The following PCOLCE2 variants were observed in gnomAD, a reference collection of about 807,000 sequenced individuals.
PCOLCE2 encodes procollagen C-endopeptidase enhancer 2.
Under a neutral mutation model 47.0 loss-of-function variants are expected in PCOLCE2, and 42 were observed. The observed-to-expected ratio is 0.89, with a 90% CI of 0.70 to 1.16. PCOLCE2 has a LOEUF of 1.16. PCOLCE2 is among the 50% of genes most tolerant of loss of function. The pLI is 0.00. For missense variants in PCOLCE2, 500 were observed against 526.1 expected (o/e 0.95, Z 0.49); for synonymous variants, 169 against 191.7 (o/e 0.88, Z 0.98).
chr3:142,882,595 G>C (rs1434289835), intron 2 of PCOLCE2, among the ~76,000 whole-genome samples: 1 of 150,960 alleles, frequency 6.6e-6, no homozygotes, highest in African/African-American at 2.5e-5. Context: ...TTATACTTTA[G>C]AGAAGAGGTC....
At chr3:142,872,317 T>C (rs1185552232) in intron 2 of PCOLCE2, among the ~76,000 whole-genome samples, 1 of 152,152 alleles carries the variant, frequency 6.6e-6, no homozygotes, top group Non-Finnish European at 1.5e-5. Context: ...GTATTTTGAC[T>C]GCGCTATTTT....
intron 2 of PCOLCE2, among the ~76,000 whole-genome samples, chr3:142,871,066 C>T (rs1933378767): frequency 6.6e-6 from 1 of 152,238 alleles, no homozygotes; most frequent in African/African-American, 2.4e-5. Flanking sequence ...GCCGCTCCAC[C>T]TCTGTCTTCC....
chr3:142,827,063 G>T, intron 6 of PCOLCE2: 5 of 1,122,474 alleles, frequency 4.5e-6, no homozygotes, highest in Admixed American at 3.8e-5. Flanking sequence ...CTTTTTTTTG[G>T]CATAAAGACA....
intron 2 of PCOLCE2, among the ~76,000 whole-genome samples, chr3:142,857,970 C>G (rs1933099258): frequency 6.6e-6 from 1 of 152,168 alleles, no homozygotes; most frequent in Admixed American, 6.5e-5. Context: ...CTTTCCTTTC[C>G]CACCTCTGTG....
chr3:142,846,029 A>G (rs1937324949), intron 3 of PCOLCE2, among the ~76,000 whole-genome samples: 1 of 152,110 alleles, frequency 6.6e-6, no homozygotes, highest in African/African-American at 2.4e-5. Context: ...GAGGAAATGG[A>G]AGCCATCATT....
intron 8 of PCOLCE2, 75 bp from the exon 9 acceptor site, chr3:142,818,540 C>T: frequency 2.1e-5 from 23 of 1,071,220 alleles, no homozygotes; most frequent in South Asian, 7.6e-5. Flanking sequence ...TGTAAGTTAC[C>T]TCTAGATAAA....
At chr3:142,839,052 T>C in intron 4 of PCOLCE2, 146 bp from the exon 5 acceptor site, 1 of 576,092 alleles carries the variant, frequency 1.7e-6, no homozygotes, top group Middle Eastern at 4.5e-4. Flanking sequence ...TGTTGCATAT[T>C]TCTTATTTAG....
At position 142,887,779 on chromosome 3, in the gene PCOLCE2, TG is replaced by T; in HGVS notation, c.84-3del. Reference sequence around the variant, plus strand: ...ATGCCACCACATGTGAAAACAGGTCTGGGAACATAAAAGAAGAAAAGATAAT... The same window carrying T: ...ATGCCACCACATGTGAAAACAGGTCTGGAACATAAAAGAAGAAAAGATAAT... On this transcript the variant is annotated splice_region_variant and splice_polypyrimidine_tract_variant and intron_variant, in intron 1 of 8. Coordinates refer to ENST00000295992, the MANE Select transcript of PCOLCE2 (RefSeq NM_013363.4). The T allele has an allele frequency of 1.3e-6, 2 of 1,515,954 alleles. No homozygotes were observed. Among genetic ancestry groups the T allele is most frequent in the Non-Finnish European group, 1.8e-6 (2 of 1,092,106 alleles). The allele number at this position is 1,515,954 out of a possible 1,614,324, so 93.9% of individuals were successfully genotyped here. A position where few individuals can be genotyped will look rare whatever the true frequency, so the allele number is the denominator to read the frequency against.
At chr3:142,848,567 C>A in intron 2 of PCOLCE2, 95 bp from the exon 3 acceptor site, 1 of 1,095,786 alleles carries the variant, frequency 9.1e-7, no homozygotes, top group Non-Finnish European at 1.3e-6. Context: ...AGTATAATAT[C>A]CAAGATAATG....
At position 142,848,074 on chromosome 3, in the gene PCOLCE2, T is replaced by C. The variant is rs553774135; in HGVS notation, c.448+143A>G. The C allele has an allele frequency of 3.9e-4, 289 of 735,042 alleles. 1 individual carries two copies. The African/African-American group carries it at 4.6e-3, about 12-fold the overall frequency. The allele number at this position is 735,042 out of a possible 1,614,324, so 45.5% of individuals were successfully genotyped here. ...GGACTTAAATTAAAAGGCTGATTTT[T>C]TGTATTGGTCTCATCATGGTTTGAT... On this transcript the variant is annotated intron_variant, in intron 3 of 8. Transcript: ENST00000295992.
chr3:142,827,826 C>A (rs557548745), intron 6 of PCOLCE2: 2 of 566,252 alleles, frequency 3.5e-6, no homozygotes, highest in Non-Finnish European at 6.3e-6. Flanking sequence ...ACGGACACCT[C>A]AAACCCAACA....
At chr3:142,835,308 T>C (rs73232734) in intron 5 of PCOLCE2, among the ~76,000 whole-genome samples, 26,397 of 152,186 alleles carry the variant, frequency 0.17, 2,659 homozygotes, top group Non-Finnish European at 0.23. Flanking sequence ...ATCTGCCTGA[T>C]AAATTGCATC....
intron 5 of PCOLCE2, among the ~76,000 whole-genome samples, chr3:142,838,106 C>T (rs1937225090): frequency 6.6e-6 from 1 of 152,144 alleles, no homozygotes; most frequent in African/African-American, 2.4e-5. Context: ...TCTTACAGGG[C>T]AGTGATGTAT....
chr3:142,819,769 A>G (rs182338670), intron 8 of PCOLCE2, among the ~76,000 whole-genome samples: 1 of 152,134 alleles, frequency 6.6e-6, no homozygotes, highest in Admixed American at 6.6e-5. Flanking sequence ...CTTCAGCCTC[A>G]CGAGTAGCTG....
chr3:142,841,440 TAATTAAGTTG>T (rs1937263577), intron 4 of PCOLCE2, among the ~76,000 whole-genome samples: 2 of 152,196 alleles, frequency 1.3e-5, no homozygotes, highest in Non-Finnish European at 2.9e-5. Context: ...TCTGCAAGTA[TAATTAAGTTG>T]GAATTATTTG....
chr3:142,877,452 C>T (rs1933522685), intron 2 of PCOLCE2, among the ~76,000 whole-genome samples: 1 of 152,186 alleles, frequency 6.6e-6, no homozygotes, highest in Non-Finnish European at 1.5e-5. Context: ...ACTTCTATTC[C>T]TTATTACAGA....
At position 142,829,638 on chromosome 3, in the gene PCOLCE2, A is replaced by C; in HGVS notation, c.865+54T>G. Reference sequence around the variant, plus strand: ...CTTATTTTTTTTCTACTTTAAAAGAATTCTTCTTATACTCCTAAAGTTTTT... The same window carrying C: ...CTTATTTTTTTTCTACTTTAAAAGACTTCTTCTTATACTCCTAAAGTTTTT... On this transcript the variant is annotated intron_variant, in intron 6 of 8. Transcript: ENST00000295992. 3 of 1,364,540 alleles carry C rather than the reference A, an allele frequency of 2.2e-6. No homozygotes were observed. In the South Asian group the frequency reaches 4.6e-5, roughly 21 times the overall value. The allele number at this position is 1,364,540 out of a possible 1,614,324, so 84.5% of individuals were successfully genotyped here.
At chr3:142,831,719 CT>C (rs1269934651) in intron 5 of PCOLCE2, among the ~76,000 whole-genome samples, 1 of 152,070 alleles carries the variant, frequency 6.6e-6, no homozygotes, top group Non-Finnish European at 1.5e-5. Context: ...AAAAAAAGCA[CT>C]TATAAGCAGC....
intron 3 of PCOLCE2, among the ~76,000 whole-genome samples, chr3:142,844,284 T>G (rs1937299960): frequency 6.6e-6 from 1 of 152,222 alleles, no homozygotes; most frequent in Non-Finnish European, 1.5e-5. Context: ...AGTTTAATTT[T>G]AGAGCTCCAT....
Sources: gnomAD v4.1 joint callset for allele counts (sites outside exome capture counted in the v4.1 genomes callset) on GRCh38, gnomAD v4.1.1 for gene constraint, MANE v1.5 for transcripts, NCBI Gene and HGNC (gene_info 2026-07-23, HGNC 2026-07-21) for gene names.